Variants in SPTBN1 observed in about 807,000 individuals in gnomAD.
SPTBN1 encodes the protein spectrin beta chain, non-erythrocytic 1.
In SPTBN1, 32 loss-of-function variants were observed where a neutral mutation model predicts 266.4. The ratio of observed to expected loss-of-function variants is 0.12; its 90% CI spans 0.09 to 0.16. The LOEUF is 0.16. Ranked by LOEUF, SPTBN1 falls within the 10% of genes least tolerant of loss-of-function variation. The pLI, the probability that SPTBN1 is intolerant of heterozygous loss-of-function variation, is 1.00. For synonymous variants in SPTBN1, 1,336 were observed against 1,162.2 expected, an observed-to-expected ratio of 1.15 and a Z score of -3.04; for missense variants, 2,296 against 3,067.1, an observed-to-expected ratio of 0.75 and a Z score of 5.94.
chr2:54,521,658 C>T (rs1670447931), intron 1 of SPTBN1, among the ~76,000 whole-genome samples: 1 of 151,922 alleles, frequency 6.6e-6, no homozygotes, highest in African/African-American at 2.4e-5. Context: ...GGACTACGGG[C>T]ACGTGCCACC....
rs1246268402 is a variant in SPTBN1, at chr2:54,533,184, G to A, written c.148+6618G>A. ...CAAAGGGATGATTCACATACCAGGC[G>A]GGATGGAGCGAGATGGCGCAAGATT... On this transcript the variant is annotated intron_variant, in intron 2 of 35. Coordinates refer to ENST00000356805, the MANE Select transcript of SPTBN1 (RefSeq NM_003128.3). The surrounding 1 kb of genome is among the most constrained non-coding windows in gnomAD (Gnocchi z 4.2). Among the ~76,000 whole-genome samples, 1 of 152,136 alleles carries A rather than the reference G, an allele frequency of 6.6e-6. No homozygotes were observed. The highest frequency in any genetic ancestry group is 1.5e-5 in the Non-Finnish European group (1 of 68,018).
chr2:54,508,956 G>A (rs1023279713), intron 1 of SPTBN1, among the ~76,000 whole-genome samples: 43 of 152,218 alleles, frequency 2.8e-4, no homozygotes, highest in Non-Finnish European at 4.9e-4. Context: ...GGTGGTGCAG[G>A]ATATGGAAGG....
intron 6 of SPTBN1, 34 bp downstream of exon 6, chr2:54,617,722 G>C (rs1240153651): frequency 1.2e-6 from 2 of 1,602,042 alleles, no homozygotes; most frequent in African/African-American, 2.7e-5. Flanking sequence ...GCAATCGTGG[G>C]GTAAAAGGTT....
At chr2:54,480,151 T>G (rs1668027569) in intron 1 of SPTBN1, among the ~76,000 whole-genome samples, 1 of 152,174 alleles carries the variant, frequency 6.6e-6, no homozygotes, top group South Asian at 2.1e-4. Context: ...GGCCCAGAGA[T>G]GGGTGCTGGG....
At chr2:54,529,508 T>C (rs780457552) in intron 2 of SPTBN1, 11 of 710,212 alleles carry the variant, frequency 1.5e-5, no homozygotes, top group Non-Finnish European at 2.6e-5. Flanking sequence ...ACTGAGACTC[T>C]GGAGGCCGCC....
At chr2:54,541,030 TAA>T (rs1671903594) in intron 2 of SPTBN1, among the ~76,000 whole-genome samples, 1 of 152,244 alleles carries the variant, frequency 6.6e-6, no homozygotes, top group South Asian at 2.1e-4. Context: ...AACAATCTAG[TAA>T]CTTCCTAAAT....
intron 3 of SPTBN1, among the ~76,000 whole-genome samples, chr2:54,599,873 C>T (rs1676363844): frequency 6.6e-6 from 1 of 152,190 alleles, no homozygotes; most frequent in African/African-American, 2.4e-5. Flanking sequence ...TGATGTGACT[C>T]TTGTTTATGC....
At chr2:54,512,141 G>A (rs534222102) in intron 1 of SPTBN1, among the ~76,000 whole-genome samples, 7 of 152,244 alleles carry the variant, frequency 4.6e-5, no homozygotes, top group Admixed American at 4.6e-4. Flanking sequence ...CAAACTATGG[G>A]GAACAGCTGT....
In SPTBN1 at chr2:54,629,251, C is replaced by CGGA; in HGVS notation, c.2122_2124dup (p.Glu708dup). ...ATCAAGGAAGGCGAAGACATGATCG[C>CGGA]GGAGGAGCACTTCGGGTCGGAGAAG... On this transcript the variant is annotated inframe_insertion, in exon 14 of 36. Transcript: ENST00000356805. The CGGA allele has an allele frequency of 6.2e-7, 1 of 1,613,976 alleles. No homozygotes were observed. The highest frequency in any genetic ancestry group is 8.5e-7 in the Non-Finnish European group (1 of 1,180,048).
At chr2:54,477,695 C>T (rs998977029) in intron 1 of SPTBN1, among the ~76,000 whole-genome samples, 2 of 152,082 alleles carry the variant, frequency 1.3e-5, no homozygotes, top group Admixed American at 6.5e-5. Flanking sequence ...GGGCGGAGCA[C>T]GAGGTCAGGA....
At chr2:54,610,256 C>T (rs1423082927) in intron 3 of SPTBN1, among the ~76,000 whole-genome samples, 2 of 152,232 alleles carry the variant, frequency 1.3e-5, no homozygotes, top group Non-Finnish European at 2.9e-5. Flanking sequence ...AATTAATAGT[C>T]ATGCCATCCT....
chr2:54,667,333 A>C (rs996031936), intron 34 of SPTBN1, among the ~76,000 whole-genome samples: 9 of 152,154 alleles, frequency 5.9e-5, no homozygotes, highest in African/African-American at 2.2e-4. Flanking sequence ...AATAAACCCA[A>C]ATGTTATGTT....
chr2:54,602,594 A>C (rs7564719), intron 3 of SPTBN1, among the ~76,000 whole-genome samples: 51,215 of 151,880 alleles, frequency 0.34, 11,147 homozygotes, highest in African/African-American at 0.63. Flanking sequence ...TTTCCAAACA[A>C]CTCTGCCCTC....
Position 54,629,189 on chromosome 2 carries a change from C to T in SPTBN1, c.2055C>T (p.Asp685=), listed in dbSNP as rs374250574. Residue 685 remains aspartate, a synonymous_variant, in exon 14 of 36, where the codon GAC becomes GAT. Coordinates refer to ENST00000356805, the MANE Select transcript of SPTBN1 (RefSeq NM_003128.3). The part of the protein sequence containing the change: ...RLLSKHRAFE[D]EMSGRSGHFE... ...TCAGCAAGCACCGGGCGTTCGAGGA[C>T]GAGATGAGCGGCCGCAGTGGCCACT... The T allele has an allele frequency of 5.1e-5, 82 of 1,613,496 alleles. No homozygotes were observed. The highest frequency in any genetic ancestry group is 1.0e-4 in the Admixed American group (6 of 60,012).
At chr2:54,642,871 C>A in intron 18 of SPTBN1, 112 bp from the exon 19 acceptor site, 1 of 1,335,012 alleles carries the variant, frequency 7.5e-7, no homozygotes, top group Non-Finnish European at 1.0e-6. Context: ...TTGTCTGTCA[C>A]CATGGAAACG....
Position 54,646,572 on chromosome 2 carries a change from C to T in SPTBN1, c.4866+97C>T. 2 of 1,362,446 alleles carry T rather than the reference C, an allele frequency of 1.5e-6. No individual in the cohort carries two copies. Among genetic ancestry groups the T allele is most frequent in the Non-Finnish European group, 1.9e-6 (2 of 1,043,698 alleles). 84.4% of individuals were successfully genotyped at this position (1,362,446 alleles called of 1,614,324 possible). The stretch of plus-strand genomic sequence containing the variant: ...GCGGCTCTGTCTGTATAAAAACTTC[C>T]CTTGTAGCCTTTGAGTGTTAAGGGG... On this transcript the variant is annotated intron_variant, in intron 23 of 35. Transcript: ENST00000356805. This position sits in a 1 kb window ranked among gnomAD's most constrained non-coding sequence, Gnocchi z 4.4.
chr2:54,544,498 G>A (rs930874757), intron 2 of SPTBN1, among the ~76,000 whole-genome samples: 4 of 152,110 alleles, frequency 2.6e-5, no homozygotes, highest in African/African-American at 4.8e-5. Flanking sequence ...TAAACTTAAC[G>A]AAAAGGTTTA....
intron 3 of SPTBN1, among the ~76,000 whole-genome samples, chr2:54,607,267 G>A (rs534227099): frequency 6.6e-6 from 1 of 152,298 alleles, no homozygotes; most frequent in Non-Finnish European, 1.5e-5. Context: ...TAAAAATACA[G>A]TATAACAACT....
rs2103930837 is a variant in SPTBN1 at position 54,630,048 on chromosome 2, G to A, written c.2807+19G>A. 1.2e-6 allele frequency: 2 copies of A among 1,610,544 alleles called. No individual in the cohort carries two copies. The highest frequency in any genetic ancestry group is 1.7e-6 in the Non-Finnish European group (2 of 1,178,336). On this transcript the variant is annotated intron_variant, in intron 15 of 35. Coordinates refer to ENST00000356805, the MANE Select transcript of SPTBN1 (RefSeq NM_003128.3). ...ACACAAGGTGAGCACGTGGCCAGCA[G>A]TGTGCCAGCCTCCCACGTGTGGGAC...
Sources: allele counts gnomAD v4.1 joint callset (sites outside exome capture counted in the v4.1 genomes callset), GRCh38; gene constraint gnomAD v4.1.1; non-coding constraint Gnocchi (gnomAD v3.1); transcripts MANE v1.5; gene names NCBI Gene and HGNC (gene_info 2026-07-23, HGNC 2026-07-21).